PRKX: variants seen among roughly 807,000 people sequenced by gnomAD.
PRKX encodes the protein protein kinase cAMP-dependent X-linked catalytic subunit, also known as cAMP-dependent protein kinase catalytic subunit PRKX.
PRKX carries 12 observed loss-of-function variants against 22.0 expected under a neutral mutation model. That is an observed-to-expected ratio of 0.54 (90% confidence interval 0.35 to 0.88). PRKX has a LOEUF of 0.88. PRKX is among the 40% of genes least tolerant of loss of function. The pLI is 0.01. For synonymous variants in PRKX, 134 were observed against 137.7 expected, an observed-to-expected ratio of 0.97 and a Z score of 0.19; for missense variants, 217 against 308.0, an observed-to-expected ratio of 0.70 and a Z score of 2.21.
intron 1 of PRKX, among the ~76,000 whole-genome samples, chrX:3,687,289 T>G (rs1928197356): frequency 8.9e-6 from 1 of 112,153 alleles, no homozygotes; most frequent in Non-Finnish European, 1.9e-5. Flanking sequence ...CATGAGCCAC[T>G]GCGCCCAGAC....
intron 4 of PRKX, among the ~76,000 whole-genome samples, chrX:3,640,348 CCT>C (rs1927052052): frequency 9.0e-6 from 1 of 111,237 alleles, no homozygotes; most frequent in African/African-American, 3.3e-5. Flanking sequence ...TGCAACAGTT[CCT>C]CTGACACGTA....
At chrX:3,626,954 T>C (rs1349966343) in intron 4 of PRKX, among the ~76,000 whole-genome samples, 1 of 110,877 alleles carries the variant, frequency 9.0e-6, no homozygotes, top group African/African-American at 3.3e-5. Context: ...AATTAAAAAA[T>C]GGACAGGTGG....
intron 4 of PRKX, among the ~76,000 whole-genome samples, chrX:3,638,593 G>A (rs1160893132): frequency 9.0e-6 from 1 of 111,724 alleles, no homozygotes; most frequent in Non-Finnish European, 1.9e-5. Flanking sequence ...GGTGCATATT[G>A]AGAAGTTTGG....
chrX:3,645,494 G>C (rs946995430), intron 3 of PRKX, among the ~76,000 whole-genome samples: 111 of 112,103 alleles, frequency 9.9e-4, no homozygotes, highest in Non-Finnish European at 1.7e-3. Context: ...GTTAAGATGA[G>C]ATCATCCTGG....
chrX:3,613,139 A>AGAC (rs1219609310), intron 7 of PRKX, among the ~76,000 whole-genome samples: 1 of 90,142 alleles, frequency 1.1e-5, no homozygotes, highest in Non-Finnish European at 2.2e-5. Flanking sequence ...CAACGGAGCA[A>AGAC]GACTTCGTCT....
chrX:3,639,948 G>A lies in PRKX; in HGVS notation c.719+1904C>T, dbSNP rs144248975. 5.7e-3 allele frequency among the ~76,000 whole-genome samples: 632 copies of A among 111,250 alleles called. 7 individuals carry two copies. Among genetic ancestry groups the A allele is most frequent in the African/African-American group, 0.019 (594 of 30,560 alleles). ...TCCACACCCCCAGGAACAAGCGCTC[G>A]GTGCTCCCCACCAGCAGGACCTGGC... On this transcript the variant is annotated intron_variant, in intron 4 of 8. Coordinates refer to ENST00000262848, the MANE Select transcript of PRKX (RefSeq NM_005044.5).
At chrX:3,639,438 T>A (rs867641170) in intron 4 of PRKX, among the ~76,000 whole-genome samples, 1 of 11,540 alleles carries the variant, frequency 8.7e-5, no homozygotes, top group Non-Finnish European at 1.6e-4. Context: ...GGGGTGGGGG[T>A]GGATGGATGA....
intron 1 of PRKX, among the ~76,000 whole-genome samples, chrX:3,688,862 C>G (rs1287453494): frequency 9.6e-6 from 1 of 104,569 alleles, no homozygotes; most frequent in Non-Finnish European, 1.9e-5. Flanking sequence ...GAGCGGGACC[C>G]CCATCTGTTT....
intron 3 of PRKX, among the ~76,000 whole-genome samples, chrX:3,649,867 C>T (rs1374934775): frequency 9.5e-6 from 1 of 104,911 alleles, no homozygotes; most frequent in Non-Finnish European, 2.0e-5. Flanking sequence ...AGGCTGAGTA[C>T]CGTAGCTCCC....
chrX:3,672,589 G>A (rs1927869005), intron 2 of PRKX, among the ~76,000 whole-genome samples: 2 of 111,402 alleles, frequency 1.8e-5, no homozygotes, highest in Admixed American at 1.9e-4. Flanking sequence ...GAACTGTAGA[G>A]TACTCAGGAG....
At chrX:3,634,767 C>G (rs1232696990) in intron 4 of PRKX, among the ~76,000 whole-genome samples, 8 of 111,907 alleles carry the variant, frequency 7.1e-5, no homozygotes, top group Non-Finnish European at 1.5e-4. Flanking sequence ...CACAGCTCAC[C>G]GCAGCGTTGA....
intron 4 of PRKX, among the ~76,000 whole-genome samples, chrX:3,629,177 G>A (rs926769593): frequency 8.9e-6 from 1 of 111,980 alleles, no homozygotes; most frequent in Non-Finnish European, 1.9e-5. Flanking sequence ...TGTCCAGCCC[G>A]GTACTGAGCC....
intron 1 of PRKX, among the ~76,000 whole-genome samples, chrX:3,694,891 G>A (rs1056940932): frequency 1.8e-5 from 2 of 110,279 alleles, no homozygotes; most frequent in Non-Finnish European, 3.8e-5. Flanking sequence ...AGCCGGGAGA[G>A]GCAGGAAGCT....
Position 3,662,288 on chromosome X carries a change from C to T in PRKX, c.336-6876G>A, listed in dbSNP as rs1001114503. On this transcript the variant is annotated intron_variant, in intron 2 of 8. Coordinates refer to ENST00000262848, the MANE Select transcript of PRKX (RefSeq NM_005044.5). The stretch of plus-strand genomic sequence containing the variant: ...ACACAAAAGAGCTGGAGGCCAGGTG[C>T]GGTGGCTCACGTCTGTAATTCCGGC... Among the ~76,000 whole-genome samples the T allele has an allele frequency of 8.1e-5, 9 of 111,421 alleles. No homozygotes were observed. The South Asian group carries it at 1.1e-3, about 14-fold the overall frequency.
At chrX:3,695,161 C>T (rs7892676) in intron 1 of PRKX, among the ~76,000 whole-genome samples, 47,846 of 109,583 alleles carry the variant, frequency 0.44, 8,297 homozygotes, top group African/African-American at 0.63. Flanking sequence ...GCTTTGAGAC[C>T]CAAAGCCTTA....
intron 4 of PRKX, among the ~76,000 whole-genome samples, chrX:3,629,748 C>A (rs908704731): frequency 3.6e-5 from 4 of 111,647 alleles, no homozygotes; most frequent in Non-Finnish European, 7.5e-5. Context: ...TTGACCTCCC[C>A]CAGGAGGCCA....
At chrX:3,665,349 G>A (rs747585111) in intron 2 of PRKX, among the ~76,000 whole-genome samples, 1 of 111,129 alleles carries the variant, frequency 9.0e-6, no homozygotes, top group South Asian at 3.8e-4. Flanking sequence ...GGTGGTGCAT[G>A]CCTGTAATCC....
rs1926213710 is a variant in PRKX at position 3,607,897 on chromosome X, T to TTTTTG, written c.*1071_*1072insCAAAA. The stretch of plus-strand genomic sequence containing the variant: ...TGCCTTCTTTTTTTTTTTTTTTTTT[T>TTTTTG]TTGGACAGGGTCTCACTCTGTCACC... On this transcript the variant is annotated 3_prime_UTR_variant, in exon 9 of 9. Transcript: ENST00000262848. 9.8e-6 allele frequency: 1 copy of TTTTTG among 101,827 alleles called. No individual in the cohort carries two copies. The highest frequency in any genetic ancestry group is 3.6e-5 in the African/African-American group (1 of 27,751). The allele number at this position is 101,827 out of a possible 1,213,427, so 8.4% of individuals were successfully genotyped here. A position where few individuals can be genotyped will look rare whatever the true frequency, so the allele number is the denominator to read the frequency against.
chrX:3,634,031 C>T (rs1175467301), intron 4 of PRKX, among the ~76,000 whole-genome samples: 1 of 110,679 alleles, frequency 9.0e-6, no homozygotes, highest in Non-Finnish European at 1.9e-5. Context: ...AGGTTAATCA[C>T]TCGAGGTCAG....
Sources: allele counts gnomAD v4.1 joint callset (sites outside exome capture counted in the v4.1 genomes callset), GRCh38; gene constraint gnomAD v4.1.1; transcripts MANE v1.5; gene names NCBI Gene and HGNC (gene_info 2026-07-23, HGNC 2026-07-21).